The following TMEM223 variants were observed in gnomAD, a reference collection of about 807,000 sequenced individuals.
TMEM223 encodes transmembrane protein 223.
In TMEM223, 14 loss-of-function variants were observed where a neutral mutation model predicts 14.1. The observed-to-expected ratio is 0.99, with a 90% CI of 0.66 to 1.55. The LOEUF is 1.55. Among genes scored for constraint, TMEM223 ranks in the 40% most tolerant of loss-of-function variants. The pLI, the probability that TMEM223 is intolerant of heterozygous loss-of-function variation, is 0.00. For synonymous variants in TMEM223, 145 were observed against 120.5 expected, an observed-to-expected ratio of 1.20 and a Z score of -1.33; for missense variants, 346 against 269.9, an observed-to-expected ratio of 1.28 and a Z score of -1.97.
chr11:62,776,545 T>G, intron 1 of TMEM223: 1 of 1,473,670 alleles, frequency 6.8e-7, no homozygotes, highest in Non-Finnish European at 9.5e-7. Context: ...GCTGGCGATG[T>G]GGTGAGACAT....
Position 62,791,743 on chromosome 11 carries a change from A to G in TMEM223, c.252T>C (p.Arg84=), listed in dbSNP as rs1322610212. The G allele has an allele frequency of 6.4e-7, 1 of 1,561,698 alleles. No homozygotes were observed. The change falls in exon 1 of 2, where the codon CGT becomes CGC. Residue 84 remains arginine, a synonymous_variant. Transcript: ENST00000307366. The stretch of plus-strand genomic sequence containing the variant: ...GCGCGGAGCGCAGGTCGAAGGGGCC[A>G]CGATTTGGGACCTCCGCATCCAGAG... ...VQPLDAEVPN[R]GPFDLRSALW...
At chr11:62,772,243 C>T (rs1409068283) in intron 2 of TMEM223, 6 of 414,724 alleles carry the variant, frequency 1.4e-5, no homozygotes, top group Admixed American at 7.9e-5. Context: ...TATTCGTGGC[C>T]GGGCGCGGTG....
At chr11:62,782,798 G>C, downstream of TMEM223, 2 of 1,613,944 alleles carry the variant, frequency 1.2e-6, no homozygotes, top group Non-Finnish European at 1.7e-6. Context: ...ATGGAGCCGT[G>C]GTGGGGCTGC....
chr11:62,788,950 C>CT (rs1047328799), downstream of TMEM223: 23 of 1,486,104 alleles, frequency 1.5e-5, no homozygotes, highest in African/African-American at 2.2e-4. Flanking sequence ...TAAGTTATCA[C>CT]TAACACCCTA....
At chr11:62,786,810 T>C (rs1313244694), downstream of TMEM223, 6 of 1,608,226 alleles carry the variant, frequency 3.7e-6, no homozygotes, top group African/African-American at 8.0e-5. Flanking sequence ...CCGGCCAGCC[T>C]GCACCCACGG....
chr11:62,779,721 A>G (rs930801079), intron 1 of TMEM223, among the ~76,000 whole-genome samples: 1 of 151,462 alleles, frequency 6.6e-6, no homozygotes, highest in Non-Finnish European at 1.5e-5. Context: ...GCCGGAGTGC[A>G]GTGGTGTGAT....
At chr11:62,786,231 G>A (rs2084273726), downstream of TMEM223, 3 of 1,598,368 alleles carry the variant, frequency 1.9e-6, no homozygotes, top group East Asian at 2.3e-5. Context: ...TCAAAGACAT[G>A]CTAACTGTAT....
At chr11:62,780,564 C>T (rs775690201) in intron 1 of TMEM223, among the ~76,000 whole-genome samples, 3 of 151,788 alleles carry the variant, frequency 2.0e-5, no homozygotes, top group African/African-American at 4.8e-5. Flanking sequence ...AACGAAACTC[C>T]GTCTCAAAGA....
chr11:62,778,316 C>T (rs960534392), intron 1 of TMEM223: 3 of 1,614,164 alleles, frequency 1.9e-6, no homozygotes, highest in East Asian at 4.5e-5. Context: ...GCAAAGGGAA[C>T]CTGGCACCTC....
downstream of TMEM223, chr11:62,789,085 C>G: frequency 6.2e-7 from 1 of 1,614,234 alleles, no homozygotes; most frequent in South Asian, 1.1e-5. Context: ...CCTCCCTGGC[C>G]TTATCCCGTC....
downstream of TMEM223, chr11:62,787,114 A>G (rs1441779465): frequency 1.3e-6 from 2 of 1,552,250 alleles, no homozygotes; most frequent in Admixed American, 3.7e-5. Flanking sequence ...CTTTCGTTTC[A>G]TCATAGCCGG....
chr11:62,776,252 G>A (rs941536347), intron 1 of TMEM223: 3 of 882,640 alleles, frequency 3.4e-6, no homozygotes, highest in African/African-American at 1.7e-5. Context: ...GAGCAGAGAC[G>A]GAATCTAGGC....
chr11:62,782,937 T>C (rs913551804), downstream of TMEM223: 3 of 1,483,914 alleles, frequency 2.0e-6, no homozygotes, highest in Admixed American at 2.0e-5. Context: ...CTGCCATGTA[T>C]TGAGTTCTGG....
At chr11:62,781,899 A>G in intron 1 of TMEM223, 1 of 1,614,030 alleles carries the variant, frequency 6.2e-7, no homozygotes, top group Non-Finnish European at 8.5e-7. Context: ...TTTAGGTTGC[A>G]CTCCAGGACT....
At chr11:62,772,108 A>C (rs2084152911) in exon 3 of TMEM223, 9 of 456,254 alleles carry the variant, frequency 2.0e-5, no homozygotes, top group South Asian at 3.1e-5. Context: ...TGGAACATTT[A>C]GCCTCTGAGG....
At chr11:62,778,230 C>T (rs1270026145) in intron 1 of TMEM223, 17 of 1,613,138 alleles carry the variant, frequency 1.1e-5, no homozygotes, top group Admixed American at 1.7e-5. Flanking sequence ...GAGGGGTAGG[C>T]GGTACTCTAA....
chr11:62,782,883 T>G, downstream of TMEM223: 1 of 1,598,286 alleles, frequency 6.3e-7, no homozygotes, highest in Non-Finnish European at 8.6e-7. Context: ...GTTAGAAAAA[T>G]AGTACTTGTG....
chr11:62,791,099 C>G (rs545146127), intron 1 of TMEM223, among the ~76,000 whole-genome samples, 184 bp from the exon 2 acceptor site: 40 of 152,062 alleles, frequency 2.6e-4, no homozygotes, highest in Admixed American at 1.2e-3. Context: ...CCTGTTATAC[C>G]CAGTAATCTT....
downstream of TMEM223, chr11:62,789,289 C>G (rs767026251): frequency 4.3e-6 from 7 of 1,614,118 alleles, no homozygotes; most frequent in Admixed American, 1.2e-4. Context: ...CTCTCCCTTT[C>G]AGAGGTGCTA....
Sources: gnomAD v4.1 joint callset for allele counts (sites outside exome capture counted in the v4.1 genomes callset) on GRCh38, gnomAD v4.1.1 for gene constraint, MANE v1.5 for transcripts, NCBI Gene and HGNC (gene_info 2026-07-23, HGNC 2026-07-21) for gene names.